The following HP1BP3 variants were observed in gnomAD, a reference collection of about 807,000 sequenced individuals.
The protein encoded by HP1BP3 is heterochromatin protein 1 binding protein 3.
A neutral mutation model predicts 62.5 loss-of-function variants in HP1BP3; 12 were observed. The observed-to-expected ratio is 0.19, with a 90% CI of 0.12 to 0.31. The LOEUF is 0.31. HP1BP3 is among the 10% of genes least tolerant of loss of function. HP1BP3 has a pLI of 1.00. For missense variants in HP1BP3, 502 were observed against 651.8 expected (o/e 0.77, Z 2.50); for synonymous variants, 260 against 237.8 (o/e 1.09, Z -0.86).
rs181226119 is a variant in HP1BP3, at chr1:20,763,749, G to C, written c.890+1628C>G. On this transcript the variant is annotated intron_variant, in intron 8 of 12. Transcript: ENST00000438032. ...CAAGACGTTAAATGGCAAATTTTAC[G>C]TATCAATTACTAACAAAATTATCTC... Among the ~76,000 whole-genome samples the C allele has an allele frequency of 3.9e-5, 6 of 152,200 alleles. No homozygotes were observed. The East Asian group carries it at 9.6e-4, about 24-fold the overall frequency.
chr1:20,784,569 C>CT (rs2057730647), intron 1 of HP1BP3, among the ~76,000 whole-genome samples: 2 of 151,682 alleles, frequency 1.3e-5, no homozygotes, highest in South Asian at 4.2e-4. Context: ...ACCTCCCCTC[C>CT]CGGTTCACGC....
rs373534181 is a variant in HP1BP3, at chr1:20,757,126, T to G, written c.981+40A>C. On this transcript the variant is annotated intron_variant, in intron 9 of 12. Coordinates refer to ENST00000438032, the MANE Select transcript of HP1BP3 (RefSeq NM_001372052.1). ...AAGGAGGTCCTGAAACCAAAAACTTTAAGAAGCACTTCTCCACAACCAGGC... is the reference window on the plus strand; with the variant it reads ...AAGGAGGTCCTGAAACCAAAAACTTGAAGAAGCACTTCTCCACAACCAGGC... 5 of 1,405,010 alleles carry G rather than the reference T, an allele frequency of 3.6e-6. No individual in the cohort carries two copies. In the African/African-American group the frequency reaches 7.2e-5, roughly 20 times the overall value. The allele number at this position is 1,405,010 out of a possible 1,614,324, so 87.0% of individuals were successfully genotyped here.
chr1:20,758,299 TAAG>T lies in HP1BP3; in HGVS notation c.891-1046_891-1044del, dbSNP rs532778334. On this transcript the variant is annotated intron_variant, in intron 8 of 12. Transcript: ENST00000438032. ...ATTTACTAGGTACCAAGGACTATTC[TAAG>T]AAGTGCTTCGCACATACTAAGAGAC... 3.0e-3 allele frequency among the ~76,000 whole-genome samples: 454 copies of T among 152,326 alleles called. 1 individual carries two copies. The highest frequency in any genetic ancestry group is 4.9e-3 in the Non-Finnish European group (335 of 68,034).
intron 9 of HP1BP3, among the ~76,000 whole-genome samples, chr1:20,756,411 A>G (rs1367073271): frequency 6.6e-6 from 1 of 152,124 alleles, no homozygotes; most frequent in East Asian, 1.9e-4. Context: ...CATTAAAAAA[A>G]AAAAATTGGG....
chr1:20,776,168 C>A, intron 4 of HP1BP3: 1 of 611,232 alleles, frequency 1.6e-6, no homozygotes, highest in Non-Finnish European at 2.6e-6. Context: ...CTACCAATGG[C>A]TTGATACAAA....
At chr1:20,765,609 T>C in intron 7 of HP1BP3, 78 bp from the exon 8 acceptor site, 2 of 1,148,714 alleles carry the variant, frequency 1.7e-6, no homozygotes, top group Non-Finnish European at 1.2e-6. Flanking sequence ...CTTTCCTCAG[T>C]TGATTACCAA....
intron 5 of HP1BP3, 37 bp downstream of exon 5, chr1:20,773,414 A>G (rs2057150323): frequency 6.4e-7 from 1 of 1,553,318 alleles, no homozygotes; most frequent in Non-Finnish European, 8.7e-7. Context: ...AATGAACATA[A>G]TAAATCTAAG....
chr1:20,745,467 GC>G (rs2055256644), intron 12 of HP1BP3, 75 bp downstream of exon 12: 1 of 1,511,454 alleles, frequency 6.6e-7, no homozygotes, highest in Non-Finnish European at 8.9e-7. Context: ...TTTAGCTTTA[GC>G]CCCTCCTATA....
At chr1:20,767,358 A>G (rs2056836434) in intron 7 of HP1BP3, among the ~76,000 whole-genome samples, 1 of 152,200 alleles carries the variant, frequency 6.6e-6, no homozygotes, top group African/African-American at 2.4e-5. Flanking sequence ...CCATAATTTA[A>G]TATAAGGCAC....
At chr1:20,762,205 A>T (rs1318856637) in intron 8 of HP1BP3, among the ~76,000 whole-genome samples, 1 of 152,234 alleles carries the variant, frequency 6.6e-6, no homozygotes, top group Non-Finnish European at 1.5e-5. Flanking sequence ...CATAAGAGAA[A>T]AAAGTTTCAA....
chr1:20,784,240 G>A lies in HP1BP3; in HGVS notation c.-101+2955C>T, dbSNP rs552829637. The stretch of plus-strand genomic sequence containing the variant: ...CTGCCTCGGCCTCTCAACGTGTTGG[G>A]ATTACAGGTGTAAGCCACTGCATCT... On this transcript the variant is annotated intron_variant, in intron 1 of 12. Transcript: ENST00000438032. Among the ~76,000 whole-genome samples, 7 of 152,210 alleles carry A rather than the reference G, an allele frequency of 4.6e-5. No individual in the cohort carries two copies. The South Asian group carries it at 1.4e-3, about 32-fold the overall frequency.
intron 8 of HP1BP3, among the ~76,000 whole-genome samples, chr1:20,757,669 C>G (rs1196266323): frequency 2.6e-5 from 4 of 152,108 alleles, no homozygotes; most frequent in African/African-American, 9.7e-5. Context: ...CCACGCCTGG[C>G]TGAAGATTAG....
chr1:20,760,972 T>G (rs1382905961), intron 8 of HP1BP3, among the ~76,000 whole-genome samples: 1 of 152,070 alleles, frequency 6.6e-6, no homozygotes, highest in Non-Finnish European at 1.5e-5. Context: ...CTAATACAGG[T>G]GAGAGATGAT....
intron 5 of HP1BP3, 61 bp from the exon 6 acceptor site, chr1:20,771,134 T>C: frequency 1.5e-6 from 2 of 1,332,768 alleles, no homozygotes; most frequent in Non-Finnish European, 2.1e-6. Flanking sequence ...ACATATATTT[T>C]CAAAATAAAT....
chr1:20,759,879 G>T (rs12086615), intron 8 of HP1BP3, among the ~76,000 whole-genome samples: 2,579 of 100,916 alleles, frequency 0.026, 89 homozygotes, highest in African/African-American at 0.089. Flanking sequence ...TTTAAAGACC[G>T]ATTTTTTTTT....
rs2055190826 is a variant in HP1BP3, at chr1:20,744,532, A to G, written c.*265T>C. ...AACAACAGGGGGTTGGGGGAGGCAGAGAAAAAGGACAAGTATACATTACAT... is the reference window on the plus strand; with the variant it reads ...AACAACAGGGGGTTGGGGGAGGCAGGGAAAAAGGACAAGTATACATTACAT... On this transcript the variant is annotated 3_prime_UTR_variant, in exon 13 of 13. Coordinates refer to ENST00000438032, the MANE Select transcript of HP1BP3 (RefSeq NM_001372052.1). 3.4e-6 allele frequency: 1 copy of G among 292,860 alleles called. No individual in the cohort carries two copies. Among genetic ancestry groups the G allele is most frequent in the Non-Finnish European group, 6.2e-6 (1 of 160,296 alleles). 18.1% of individuals were successfully genotyped at this position (292,860 alleles called of 1,614,324 possible).
At chr1:20,767,719 G>A in intron 6 of HP1BP3, 55 bp from the exon 7 acceptor site, 3 of 1,088,116 alleles carry the variant, frequency 2.8e-6, no homozygotes, top group Non-Finnish European at 4.1e-6. Context: ...AGTAGGCTAA[G>A]GAAATTACAG....
rs918558040 is a variant in HP1BP3 at position 20,752,326 on chromosome 1, G to A, written c.982-2444C>T. 3.3e-5 allele frequency among the ~76,000 whole-genome samples: 5 copies of A among 151,124 alleles called. No individual in the cohort carries two copies. The South Asian group carries it at 8.4e-4, about 25-fold the overall frequency. On this transcript the variant is annotated intron_variant, in intron 9 of 12. Transcript: ENST00000438032. ...TTTTTTTTTTTGGAGACAGAGTTTC[G>A]CTGTGTTGCCCAGGCTGGAGTGTAA...
rs373052557 is a variant in HP1BP3, at chr1:20,779,894, G to A, written c.114C>T (p.Thr38=). 3 of 1,612,670 alleles carry A rather than the reference G, an allele frequency of 1.9e-6. No homozygotes were observed. In the African/African-American group the frequency reaches 4.0e-5, roughly 22 times the overall value. ...DKLGEKVEDS[T]MPIRRTVNST... is the part of the protein sequence containing the mutation. Reference sequence around the variant, plus strand: ...AATTCACAGTTCGACGAATCGGCATGGTGCTATCTTCTACCTTCTAAGAAA... The same window carrying A: ...AATTCACAGTTCGACGAATCGGCATAGTGCTATCTTCTACCTTCTAAGAAA... Residue 38 remains threonine (T), a synonymous_variant, in exon 3 of 13, where the codon ACC becomes ACT. Coordinates refer to ENST00000438032, the MANE Select transcript of HP1BP3 (RefSeq NM_001372052.1).
Sources: gnomAD v4.1 joint callset for allele counts (sites outside exome capture counted in the v4.1 genomes callset) on GRCh38, gnomAD v4.1.1 for gene constraint, MANE v1.5 for transcripts, NCBI Gene and HGNC (gene_info 2026-07-23, HGNC 2026-07-21) for gene names.